Variants in FGGY observed in about 807,000 individuals in gnomAD.
FGGY encodes the protein FGGY carbohydrate kinase domain containing.
FGGY carries 72 observed loss-of-function variants against 71.3 expected under a neutral mutation model. The observed-to-expected ratio is 1.01, with a 90% CI of 0.84 to 1.23. The LOEUF (loss-of-function observed/expected upper bound fraction) is 1.23. Among genes scored for constraint, FGGY ranks in the 50% most tolerant of loss-of-function variants. The probability of loss-of-function intolerance (pLI) is 0.00; values close to 1 mark genes in which losing one functional copy is unlikely to be tolerated. For missense variants in FGGY, 668 were observed against 682.3 expected, an observed-to-expected ratio of 0.98 and a Z score of 0.23; for synonymous variants, 251 against 250.3, an observed-to-expected ratio of 1.00 and a Z score of -0.02.
At chr1:59,614,337 G>T (rs1217049222) in intron 9 of FGGY, among the ~76,000 whole-genome samples, 2 of 152,164 alleles carry the variant, frequency 1.3e-5, no homozygotes, top group Non-Finnish European at 2.9e-5. Context: ...TGCAAGACTG[G>T]TTCAACATAT....
At chr1:59,528,010 C>T (rs1381300987) in intron 7 of FGGY, among the ~76,000 whole-genome samples, 4 of 152,122 alleles carry the variant, frequency 2.6e-5, no homozygotes, top group Non-Finnish European at 5.9e-5. Flanking sequence ...ACAACTCATT[C>T]TGATCAGTGG....
chr1:59,321,634 C>A lies in FGGY; in HGVS notation c.85C>A (p.Gln29Lys), dbSNP rs779353611. The A allele has an allele frequency of 6.2e-7, 1 of 1,613,744 alleles. No individual in the cohort carries two copies. Reference protein sequence around the residue: ...TGSVRAALVDQSGVLLAFADQ... With the variant: ...TGSVRAALVDKSGVLLAFADQ... ...CAGTGTCCGTGCAGCTCTGGTGGAC[C>A]AGAGTGGGGTCCTGTTGGCTTTTGC... Residue 29 changes from glutamine to lysine, a missense_variant, in exon 2 of 16, where the codon CAG becomes AAG. Physicochemically the swap from Gln to Lys is moderately conservative, Grantham distance 53. Coordinates refer to ENST00000303721, the MANE Select transcript of FGGY (RefSeq NM_018291.5).
intron 2 of FGGY, 119 bp from the exon 3 acceptor site, chr1:59,339,837 ATC>A: frequency 1.7e-6 from 1 of 603,236 alleles, no homozygotes; most frequent in South Asian, 2.2e-5. Context: ...CTAAATTTTT[ATC>A]TGTTTTATGT....
intron 5 of FGGY, among the ~76,000 whole-genome samples, chr1:59,382,682 T>C (rs909504197): frequency 6.6e-6 from 1 of 152,194 alleles, no homozygotes; most frequent in Non-Finnish European, 1.5e-5. Context: ...AATGTTTTGA[T>C]CATTTTGGCC....
chr1:59,456,095 C>T (rs978870584), intron 5 of FGGY, among the ~76,000 whole-genome samples: 2 of 152,098 alleles, frequency 1.3e-5, no homozygotes, highest in Admixed American at 1.3e-4. Context: ...GAACATGTAG[C>T]GAGAGTAGTA....
chr1:59,312,612 TAAGGGG>T (rs1407190114), intron 1 of FGGY, among the ~76,000 whole-genome samples: 5 of 152,210 alleles, frequency 3.3e-5, no homozygotes, highest in African/African-American at 4.8e-5. Context: ...TTAATTTCTT[TAAGGGG>T]ATGTTTGTTG....
In FGGY at chr1:59,696,552, G is replaced by T. The variant is rs567566875; in HGVS notation, c.1512+22419G>T. Among the ~76,000 whole-genome samples, 4 of 152,340 alleles carry T rather than the reference G, an allele frequency of 2.6e-5. No homozygotes were observed. The South Asian group carries it at 8.3e-4, about 32-fold the overall frequency. On this transcript the variant is annotated intron_variant, in intron 14 of 15. Transcript: ENST00000303721. ...TCTTCCTCCCTGATTCACATGGTGA[G>T]CAAGTGGCGGGGGCCCAGGACTAAA...
chr1:59,451,244 T>C (rs1322389637), intron 5 of FGGY, among the ~76,000 whole-genome samples: 2 of 152,086 alleles, frequency 1.3e-5, no homozygotes, highest in African/African-American at 4.8e-5. Flanking sequence ...AATAAACTTA[T>C]GTTCTGCCTA....
intron 11 of FGGY, among the ~76,000 whole-genome samples, chr1:59,658,107 C>T (rs2097238778): frequency 6.6e-6 from 1 of 152,314 alleles, no homozygotes; most frequent in South Asian, 2.1e-4. Flanking sequence ...TGAGTGCTTA[C>T]TATGTTCCAG....
intron 6 of FGGY, among the ~76,000 whole-genome samples, chr1:59,502,324 G>C (rs1410263386): frequency 6.6e-6 from 1 of 152,222 alleles, no homozygotes; most frequent in Non-Finnish European, 1.5e-5. Flanking sequence ...ATGTAGAGCA[G>C]AATGATGTAA....
chr1:59,420,122 C>T lies in FGGY; in HGVS notation c.555-36839C>T, dbSNP rs1298213728. Among the ~76,000 whole-genome samples the T allele has an allele frequency of 4.6e-5, 7 of 152,090 alleles. No individual in the cohort carries two copies. In the East Asian group the frequency reaches 5.8e-4, roughly 13 times the overall value. ...GAAATGTAAATTTGTTATAAGCAGC[C>T]GCTTTGGGCCCTTCACAAGGCAGAA... is the stretch of plus-strand genomic sequence containing the variant. On this transcript the variant is annotated intron_variant, in intron 5 of 15. Coordinates refer to ENST00000303721, the MANE Select transcript of FGGY (RefSeq NM_018291.5).
At chr1:59,523,328 T>C (rs2094887907) in intron 7 of FGGY, among the ~76,000 whole-genome samples, 1 of 152,250 alleles carries the variant, frequency 6.6e-6, no homozygotes. Flanking sequence ...TAATGTTTAC[T>C]TTGGGTCTTG....
chr1:59,373,684 G>A (rs61788351), intron 4 of FGGY, among the ~76,000 whole-genome samples: 4 of 151,908 alleles, frequency 2.6e-5, no homozygotes, highest in African/African-American at 9.7e-5. Context: ...AACCAAAACA[G>A]CATGGTACTG....
intron 6 of FGGY, among the ~76,000 whole-genome samples, chr1:59,481,805 A>G (rs914877999): frequency 2.6e-5 from 4 of 152,184 alleles, no homozygotes; most frequent in African/African-American, 9.7e-5. Context: ...GGTAAGACAG[A>G]GACTTTCTAA....
At chr1:59,631,023 A>G (rs942594463) in intron 10 of FGGY, among the ~76,000 whole-genome samples, 1 of 152,160 alleles carries the variant, frequency 6.6e-6, no homozygotes, top group Non-Finnish European at 1.5e-5. Flanking sequence ...TAAGGTTATC[A>G]GTGACCTCTA....
Position 59,638,210 on chromosome 1 carries a change from A to T in FGGY, c.1074-18A>T, listed in dbSNP as rs370948434. On this transcript the variant is annotated intron_variant, in intron 10 of 15. Transcript: ENST00000303721. ...GACCCTATCCCCCCTTTAAAAATAAAATTCACTTCTCTTCCAGATGCCAGA... is the reference window on the plus strand; with the variant it reads ...GACCCTATCCCCCCTTTAAAAATAATATTCACTTCTCTTCCAGATGCCAGA... 8 of 1,609,658 alleles carry T rather than the reference A, an allele frequency of 5.0e-6. No homozygotes were observed. The highest frequency in any genetic ancestry group is 6.8e-6 in the Non-Finnish European group (8 of 1,177,546).
chr1:59,409,449 A>C (rs1233991835), intron 5 of FGGY, among the ~76,000 whole-genome samples: 7 of 152,196 alleles, frequency 4.6e-5, no homozygotes, highest in Admixed American at 3.9e-4. Flanking sequence ...GAAAGGGAGC[A>C]AGAGGCATAA....
chr1:59,627,430 T>C (rs1402239027), intron 10 of FGGY, among the ~76,000 whole-genome samples: 1 of 137,786 alleles, frequency 7.3e-6, no homozygotes. Flanking sequence ...ATGAACCTCA[T>C]GGTGTCAATA....
intron 4 of FGGY, among the ~76,000 whole-genome samples, chr1:59,360,867 G>C (rs2055368744): frequency 6.6e-6 from 1 of 152,100 alleles, no homozygotes; most frequent in African/African-American, 2.4e-5. Flanking sequence ...TGAGTGGGTG[G>C]GAACAGTCTG....
Sources: allele counts gnomAD v4.1 joint callset (sites outside exome capture counted in the v4.1 genomes callset), GRCh38; gene constraint gnomAD v4.1.1; transcripts MANE v1.5; gene names NCBI Gene and HGNC (gene_info 2026-07-23, HGNC 2026-07-21).